Variants in MEF2C observed in about 807,000 individuals in gnomAD.
MEF2C encodes the protein myocyte-specific enhancer factor 2C.
A neutral mutation model predicts 50.5 loss-of-function variants in MEF2C; 6 were observed. The ratio of observed to expected loss-of-function variants is 0.12; its 90% CI spans 0.07 to 0.23. The LOEUF is 0.23. Among genes scored for constraint, MEF2C ranks in the 10% least tolerant of loss-of-function variants. The probability of loss-of-function intolerance (pLI) is 1.00; values close to 1 mark genes in which losing one functional copy is unlikely to be tolerated. For missense variants in MEF2C, 276 were observed against 605.0 expected (o/e 0.46, Z 5.70); for synonymous variants, 183 against 228.0 (o/e 0.80, Z 1.78).
chr5:88,838,773 C>T (rs1213580011), intron 1 of MEF2C: 1 of 970,852 alleles, frequency 1.0e-6, no homozygotes, highest in Admixed American at 6.2e-5. Flanking sequence ...CTCCTTATCT[C>T]CTCAAATTAT....
intron 6 of MEF2C, chr5:88,735,778 A>G (rs1442925030): frequency 5.1e-6 from 5 of 985,260 alleles, no homozygotes; most frequent in Non-Finnish European, 6.0e-6. Flanking sequence ...TCGTAAATTC[A>G]AAGAACATAT....
chr5:88,812,458 A>G (rs1803283899), intron 2 of MEF2C, among the ~76,000 whole-genome samples: 1 of 152,144 alleles, frequency 6.6e-6, no homozygotes, highest in Non-Finnish European at 1.5e-5. Flanking sequence ...TGTCATTTTA[A>G]CTTACAGTAG....
At chr5:88,740,707 C>T in intron 6 of MEF2C, 2 of 984,604 alleles carry the variant, frequency 2.0e-6, no homozygotes, top group Non-Finnish European at 2.4e-6. Context: ...ATATCATTCT[C>T]CTTTGGGTAC....
chr5:88,792,322 G>A (rs765537786), intron 3 of MEF2C, among the ~76,000 whole-genome samples: 92 of 152,106 alleles, frequency 6.0e-4, no homozygotes, highest in Non-Finnish European at 1.2e-3. Flanking sequence ...TTTCTGACCA[G>A]ATCATAAGTT....
At chr5:88,746,662 G>A in intron 6 of MEF2C, 1 of 985,328 alleles carries the variant, frequency 1.0e-6, no homozygotes, top group South Asian at 4.7e-5. Flanking sequence ...GGCTGGCCTT[G>A]TTTTCCTCTG....
chr5:88,754,193 T>C (rs763170194), intron 4 of MEF2C, among the ~76,000 whole-genome samples: 1 of 152,162 alleles, frequency 6.6e-6, no homozygotes, highest in Non-Finnish European at 1.5e-5. Context: ...AGTCAGGGTA[T>C]TTTTTTATAG....
intron 8 of MEF2C, among the ~76,000 whole-genome samples, 181 bp downstream of exon 8, chr5:88,730,028 CAA>C (rs34297769): frequency 1.1e-4 from 17 of 147,960 alleles, no homozygotes; most frequent in South Asian, 1.1e-3. Flanking sequence ...AATATTGAAA[CAA>C]AAAAAAAAAC....
intron 4 of MEF2C, among the ~76,000 whole-genome samples, chr5:88,758,001 C>T (rs1234207996): frequency 6.6e-6 from 1 of 152,186 alleles, no homozygotes; most frequent in Non-Finnish European, 1.5e-5. Context: ...ACCACCTTAG[C>T]TACACCTGGC....
intron 6 of MEF2C, chr5:88,743,920 T>A: frequency 2.2e-6 from 2 of 906,892 alleles, no homozygotes; most frequent in Non-Finnish European, 2.6e-6. Context: ...ATTAAAATTA[T>A]TAACCAATAT....
At chr5:88,854,404 C>T (rs1822513045) in intron 1 of MEF2C, among the ~76,000 whole-genome samples, 1 of 152,104 alleles carries the variant, frequency 6.6e-6, no homozygotes, top group African/African-American at 2.4e-5. Flanking sequence ...TACATTTTAT[C>T]AAACTTGGAA....
At chr5:88,850,010 T>G (rs1205867078) in intron 1 of MEF2C, among the ~76,000 whole-genome samples, 1 of 152,190 alleles carries the variant, frequency 6.6e-6, no homozygotes. Context: ...TATGTATACA[T>G]GTGCCATGTT....
chr5:88,802,728 T>C (rs244759), intron 3 of MEF2C, among the ~76,000 whole-genome samples: 63,842 of 152,148 alleles, frequency 0.42, 15,220 homozygotes, highest in African/African-American at 0.64. Context: ...GCATTATAGG[T>C]GTGAGCCACC....
At chr5:88,874,107 G>C (rs991657578) in intron 1 of MEF2C, among the ~76,000 whole-genome samples, 2 of 151,868 alleles carry the variant, frequency 1.3e-5, no homozygotes, top group Non-Finnish European at 2.9e-5. Flanking sequence ...TTGTTTTAAT[G>C]GTTAACAGAG....
intron 3 of MEF2C, chr5:88,761,672 C>A: frequency 5.1e-6 from 1 of 196,560 alleles, no homozygotes; most frequent in Non-Finnish European, 1.0e-5. Flanking sequence ...CACTCTCTTC[C>A]CACAGAAAAA....
At chr5:88,838,943 A>T (rs1420824348) in intron 1 of MEF2C, among the ~76,000 whole-genome samples, 3 of 152,194 alleles carry the variant, frequency 2.0e-5, no homozygotes, top group African/African-American at 7.2e-5. Flanking sequence ...TACGGCTTTC[A>T]ACTTTATAAG....
chr5:88,848,724 C>T (rs1281554859), intron 1 of MEF2C, among the ~76,000 whole-genome samples: 1 of 152,128 alleles, frequency 6.6e-6, no homozygotes, highest in East Asian at 1.9e-4. Flanking sequence ...TCATTCTTCT[C>T]TGTGAAAGAG....
intron 6 of MEF2C, chr5:88,742,949 A>G (rs547030935): frequency 4.1e-5 from 40 of 973,554 alleles, no homozygotes; most frequent in Non-Finnish European, 4.8e-5. Flanking sequence ...ATTGTTACTT[A>G]ATTTCATAAA....
intron 6 of MEF2C, among the ~76,000 whole-genome samples, chr5:88,748,618 C>A (rs948161229): frequency 7.2e-5 from 11 of 152,158 alleles, no homozygotes; most frequent in Non-Finnish European, 5.9e-5. Flanking sequence ...ATTTTATTAA[C>A]AGTATTGTTG....
chr5:88,740,292 G>C, intron 6 of MEF2C: 3 of 984,322 alleles, frequency 3.0e-6, no homozygotes, highest in Non-Finnish European at 3.6e-6. Flanking sequence ...CTGTCAATGA[G>C]ACAATGAGCT....
Sources: gnomAD v4.1 joint callset for allele counts (sites outside exome capture counted in the v4.1 genomes callset) on GRCh38, gnomAD v4.1.1 for gene constraint, MANE v1.5 for transcripts, NCBI Gene and HGNC (gene_info 2026-07-23, HGNC 2026-07-21) for gene names.